Variants in PLCL1 observed in about 807,000 individuals in gnomAD.
PLCL1 encodes phospholipase C like 1 (inactive).
Under a neutral mutation model 84.4 loss-of-function variants are expected in PLCL1, and 41 were observed. The observed-to-expected ratio is 0.49, with a 90% CI of 0.38 to 0.63. The LOEUF (loss-of-function observed/expected upper bound fraction) is 0.63. PLCL1 is among the 30% of genes least tolerant of loss of function. The pLI is 0.00. For synonymous variants in PLCL1, 490 were observed against 488.3 expected, an observed-to-expected ratio of 1.00 and a Z score of -0.05; for missense variants, 1,206 against 1,367.8, an observed-to-expected ratio of 0.88 and a Z score of 1.87.
chr2:198,102,124 T>C (rs1228340922), intron 4 of PLCL1, among the ~76,000 whole-genome samples: 4 of 152,000 alleles, frequency 2.6e-5, no homozygotes, highest in Non-Finnish European at 5.9e-5. Context: ...AGCTGCCCTT[T>C]GAATCCAGAC....
At chr2:198,078,184 CT>C (rs1692626125) in intron 1 of PLCL1, among the ~76,000 whole-genome samples, 1 of 152,116 alleles carries the variant, frequency 6.6e-6, no homozygotes, top group Non-Finnish European at 1.5e-5. Context: ...AAAATGAAAC[CT>C]TATCAGTTTC....
At chr2:197,897,157 T>C (rs983996106) in intron 1 of PLCL1, among the ~76,000 whole-genome samples, 5 of 32,324 alleles carry the variant, frequency 1.5e-4, no homozygotes, top group Non-Finnish European at 2.2e-4. Flanking sequence ...CTTCTTCTTC[T>C]TCTTCTTCTT....
At chr2:198,077,341 AAAT>A (rs572434260) in intron 1 of PLCL1, among the ~76,000 whole-genome samples, 8 of 152,076 alleles carry the variant, frequency 5.3e-5, no homozygotes, top group African/African-American at 9.7e-5. Flanking sequence ...TAATAATAAA[AAAT>A]AATAATAATT....
chr2:197,995,539 G>A (rs1329574339), intron 1 of PLCL1, among the ~76,000 whole-genome samples: 1 of 152,090 alleles, frequency 6.6e-6, no homozygotes, highest in Admixed American at 6.5e-5. Flanking sequence ...CCCAAGGTGG[G>A]TCCTGAGGGT....
chr2:198,072,406 A>AC (rs1692484663), intron 1 of PLCL1, among the ~76,000 whole-genome samples: 1 of 151,848 alleles, frequency 6.6e-6, no homozygotes, highest in Non-Finnish European at 1.5e-5. Context: ...GTAAATAGTT[A>AC]TATTTTCTGC....
intron 1 of PLCL1, among the ~76,000 whole-genome samples, chr2:197,901,778 A>G (rs1184664292): frequency 6.6e-6 from 1 of 152,236 alleles, no homozygotes; most frequent in Non-Finnish European, 1.5e-5. Context: ...TTATCTTCAG[A>G]TCACTTATTC....
At chr2:197,823,157 T>C (rs1690851376) in intron 1 of PLCL1, among the ~76,000 whole-genome samples, 1 of 152,138 alleles carries the variant, frequency 6.6e-6, no homozygotes, top group South Asian at 2.1e-4. Flanking sequence ...CCCAAAGTGG[T>C]GGGATTACAG....
intron 1 of PLCL1, among the ~76,000 whole-genome samples, chr2:198,019,033 G>A (rs1691070153): frequency 6.6e-6 from 1 of 152,176 alleles, no homozygotes; most frequent in Non-Finnish European, 1.5e-5. Flanking sequence ...TCCAGAGGAA[G>A]GAATACACAG....
At chr2:197,822,987 T>C (rs1690849145) in intron 1 of PLCL1, among the ~76,000 whole-genome samples, 1 of 152,176 alleles carries the variant, frequency 6.6e-6, no homozygotes, top group African/African-American at 2.4e-5. Flanking sequence ...TAATATGATG[T>C]ATAAAGCCGT....
Position 198,086,213 on chromosome 2 carries a change from A to G in PLCL1, c.2696A>G (p.Asp899Gly). 2 of 1,608,670 alleles carry G rather than the reference A, an allele frequency of 1.2e-6. No homozygotes were observed. The highest frequency in any genetic ancestry group is 2.2e-5 in the South Asian group (2 of 90,858). The change falls in exon 2 of 6, where the codon GAT (aspartate) becomes GGT (glycine). Residue 899 changes from aspartate (D) to glycine (G), a missense_variant. Physicochemically the swap from Asp to Gly is moderately conservative, Grantham distance 94 (BLOSUM62 -1). Coordinates refer to ENST00000428675, the MANE Select transcript of PLCL1 (RefSeq NM_006226.4). Reference sequence around the variant, plus strand: ...GTTCATCCATTACGAGAAGCCATAGATATGAGAGAAAATATGCAGGTAGGA... The same window carrying G: ...GTTCATCCATTACGAGAAGCCATAGGTATGAGAGAAAATATGCAGGTAGGA... ...IAVHPLREAI[D>G]MRENMQNAIV...
intron 5 of PLCL1, among the ~76,000 whole-genome samples, chr2:198,131,717 C>G (rs902178071): frequency 1.3e-5 from 2 of 152,168 alleles, no homozygotes; most frequent in African/African-American, 2.4e-5. Flanking sequence ...AAGCCTTAGC[C>G]AGGACATGGT....
At position 197,894,973 on chromosome 2, in the gene PLCL1, A is replaced by T. The variant is rs150944481; in HGVS notation, c.240+89634A>T. Among the ~76,000 whole-genome samples, 326 of 152,112 alleles carry T rather than the reference A, an allele frequency of 2.1e-3. 2 individuals are homozygous for T. Among genetic ancestry groups the T allele is most frequent in the African/African-American group, 7.4e-3 (307 of 41,540 alleles). ...TTTCTAGTTCTTTGTTTTCCATACA[A>T]CACCATGGCTTGTTGAACTTGGAAG... On this transcript the variant is annotated intron_variant, in intron 1 of 5. Transcript: ENST00000428675.
chr2:198,078,358 G>A (rs1574294273), intron 1 of PLCL1, among the ~76,000 whole-genome samples: 1 of 152,232 alleles, frequency 6.6e-6, no homozygotes, highest in South Asian at 2.1e-4. Context: ...AGAATGTCAT[G>A]TATCAACCAA....
At chr2:197,924,413 A>G (rs1688793368) in intron 1 of PLCL1, among the ~76,000 whole-genome samples, 1 of 152,208 alleles carries the variant, frequency 6.6e-6, no homozygotes, top group Admixed American at 6.5e-5. Flanking sequence ...GAAAGCTCTG[A>G]GAAATTCACC....
At chr2:197,847,214 A>G (rs949752404) in intron 1 of PLCL1, among the ~76,000 whole-genome samples, 1 of 152,164 alleles carries the variant, frequency 6.6e-6, no homozygotes, top group Non-Finnish European at 1.5e-5. Context: ...TAATCTCATT[A>G]TTAAACCTAT....
At chr2:197,927,885 C>T (rs971260262) in intron 1 of PLCL1, among the ~76,000 whole-genome samples, 4 of 152,224 alleles carry the variant, frequency 2.6e-5, no homozygotes, top group Admixed American at 2.6e-4. Context: ...ACGTTATGGC[C>T]AGATTATGTG....
intron 1 of PLCL1, among the ~76,000 whole-genome samples, chr2:198,013,501 CTG>C (rs758886033): frequency 4.6e-5 from 7 of 152,098 alleles, no homozygotes; most frequent in Non-Finnish European, 8.8e-5. Context: ...CTCCAAGACT[CTG>C]TGTCTATGTA....
intron 1 of PLCL1, among the ~76,000 whole-genome samples, chr2:197,812,085 A>G (rs551722085): frequency 6.6e-6 from 1 of 152,280 alleles, no homozygotes; most frequent in East Asian, 1.9e-4. Flanking sequence ...CTATTTCTGC[A>G]TTAGTTCACT....
At chr2:198,023,729 T>C (rs779543016) in intron 1 of PLCL1, among the ~76,000 whole-genome samples, 1 of 152,162 alleles carries the variant, frequency 6.6e-6, no homozygotes, top group Non-Finnish European at 1.5e-5. Context: ...ATGGCAATCA[T>C]TAAAAAGTCA....
Sources: gnomAD v4.1 joint callset for allele counts (sites outside exome capture counted in the v4.1 genomes callset) on GRCh38, gnomAD v4.1.1 for gene constraint, MANE v1.5 for transcripts, NCBI Gene and HGNC (gene_info 2026-07-23, HGNC 2026-07-21) for gene names.